The following MARK2 variants were observed in gnomAD, a reference collection of about 807,000 sequenced individuals.
The protein encoded by MARK2 is serine/threonine-protein kinase MARK2.
A neutral mutation model predicts 89.8 loss-of-function variants in MARK2; 16 were observed. The observed-to-expected ratio is 0.18, with a 90% confidence interval of 0.12 to 0.27. The LOEUF (loss-of-function observed/expected upper bound fraction) is 0.27, where lower values mean the gene tolerates loss of function less well. MARK2 is among the 10% of genes least tolerant of loss of function. The pLI is 1.00. For synonymous variants in MARK2, 382 were observed against 399.5 expected (o/e 0.96, Z 0.52); for missense variants, 621 against 1,049.9 (o/e 0.59, Z 5.65).
chr11:63,907,250 C>T (rs1367433972), intron 17 of MARK2, among the ~76,000 whole-genome samples: 1 of 152,204 alleles, frequency 6.6e-6, no homozygotes, highest in Non-Finnish European at 1.5e-5. Context: ...CCTCCTCCTC[C>T]CACCCAGCTG....
At chr11:63,841,911 G>C (rs2016040242) in intron 1 of MARK2, among the ~76,000 whole-genome samples, 1 of 152,190 alleles carries the variant, frequency 6.6e-6, no homozygotes, top group Non-Finnish European at 1.5e-5. Context: ...TTCCACCGTA[G>C]TGTGCATCCA....
chr11:63,856,941 GGGAGGGA>G (rs2016895242), intron 1 of MARK2, among the ~76,000 whole-genome samples: 2 of 151,214 alleles, frequency 1.3e-5, no homozygotes, highest in African/African-American at 2.4e-5. Flanking sequence ...CCGAGTAGCT[GGGAGGGA>G]CTACAGGCGC....
chr11:63,898,826 T>G lies in MARK2; in HGVS notation c.467T>G (p.Phe156Cys). The G allele has an allele frequency of 6.2e-7, 1 of 1,613,740 alleles. No homozygotes were observed. The highest frequency in any genetic ancestry group is 2.2e-5 in the East Asian group (1 of 44,892). ...RMKEKEARAKFRQIVSAVQYC... is the reference protein window; with the variant it reads ...RMKEKEARAKCRQIVSAVQYC... ...AAAGAAAAAGAGGCTCGAGCCAAATTCCGCCAGGTAGGTGTGACTCCCTCC... is the reference window on the plus strand; with the variant it reads ...AAAGAAAAAGAGGCTCGAGCCAAATGCCGCCAGGTAGGTGTGACTCCCTCC... The change falls in exon 6 of 19, where the codon TTC becomes TGC. Residue 156 changes from phenylalanine (F) to cysteine (C), a missense_variant. By Grantham distance (205) the Phe-to-Cys change is radical. Around this residue, in one of 5 missense-constraint regions of MARK2, gnomAD observed 82 missense variants for 287.7 expected, o/e 0.29. Transcript: ENST00000402010.
At chr11:63,884,339 A>G (rs1939270902) in intron 1 of MARK2, among the ~76,000 whole-genome samples, 1 of 152,232 alleles carries the variant, frequency 6.6e-6, no homozygotes, top group Admixed American at 6.5e-5. Context: ...TGTGGCTTCC[A>G]GGCCTGAAGG....
At chr11:63,858,252 T>G (rs983271346) in intron 1 of MARK2, among the ~76,000 whole-genome samples, 1 of 152,114 alleles carries the variant, frequency 6.6e-6, no homozygotes, top group South Asian at 2.1e-4. Context: ...CTGGCTTCAA[T>G]TGATCTGCCT....
Position 63,898,759 on chromosome 11 carries a change from A to C in MARK2, c.404-4A>C, listed in dbSNP as rs1940628678. On this transcript the variant is annotated splice_region_variant and splice_polypyrimidine_tract_variant and intron_variant, in intron 5 of 18. Transcript: ENST00000402010. Reference sequence around the variant, plus strand: ...GACTGAGATCCCTGCCTGGTCTCTTACAGGAGAGGTATTTGATTACCTAGT... The same window carrying C: ...GACTGAGATCCCTGCCTGGTCTCTTCCAGGAGAGGTATTTGATTACCTAGT... 2 of 1,613,830 alleles carry C rather than the reference A, an allele frequency of 1.2e-6. No homozygotes were observed. Among genetic ancestry groups the C allele is most frequent in the Non-Finnish European group, 1.7e-6 (2 of 1,179,854 alleles).
At chr11:63,844,676 T>C (rs763726056) in intron 1 of MARK2, among the ~76,000 whole-genome samples, 7 of 152,204 alleles carry the variant, frequency 4.6e-5, no homozygotes, top group Non-Finnish European at 8.8e-5. Context: ...GCAGAGTTGG[T>C]GCCTATGAGG....
In MARK2 at chr11:63,910,031, C is replaced by T. The variant is rs978260236; in HGVS notation, c.*794C>T. 1.3e-5 allele frequency: 2 copies of T among 152,348 alleles called. No homozygotes were observed. The highest frequency in any genetic ancestry group is 4.8e-5 in the African/African-American group (2 of 41,446). 9.4% of individuals were successfully genotyped at this position (152,348 alleles called of 1,614,324 possible). A position where few individuals can be genotyped will look rare whatever the true frequency, so the allele number is the denominator to read the frequency against. ...TGTGTTCCCTCAAAGTCTGTGCCATCTTCTCCCACCCCTCCCGGGTAGAAG... is the reference window on the plus strand; with the variant it reads ...TGTGTTCCCTCAAAGTCTGTGCCATTTTCTCCCACCCCTCCCGGGTAGAAG... On this transcript the variant is annotated 3_prime_UTR_variant, in exon 19 of 19. Coordinates refer to ENST00000402010, the MANE Select transcript of MARK2 (RefSeq NM_001039469.3).
chr11:63,907,548 T>A (rs1208687853), intron 17 of MARK2, among the ~76,000 whole-genome samples: 1 of 151,910 alleles, frequency 6.6e-6, no homozygotes, highest in African/African-American at 2.4e-5. Flanking sequence ...CCAGACCTCT[T>A]CCCCACCCAC....
chr11:63,898,521 C>A, intron 4 of MARK2, 87 bp from the exon 5 acceptor site: 1 of 1,098,352 alleles, frequency 9.1e-7, no homozygotes, highest in Non-Finnish European at 1.4e-6. Context: ...GGGAGACTTT[C>A]GTTCCTAGGA....
In MARK2 at chr11:63,904,922, G is replaced by A; in HGVS notation, c.1813G>A (p.Val605Met). The stretch of plus-strand genomic sequence containing the variant: ...CTTCCATGCTGGGCAGCTCCGACAG[G>A]TGCGGGACCAGCAGAATTTGCCCTA... ...STFHAGQLRQ[V>M]RDQQNLPYGV... Residue 605 changes from valine to methionine, a missense_variant, in exon 16 of 19, where the codon GTG becomes ATG. By Grantham distance (21) the Val-to-Met change is conservative. Coordinates refer to ENST00000402010, the MANE Select transcript of MARK2 (RefSeq NM_001039469.3). The surrounding 1 kb of genome is among the most constrained non-coding windows in gnomAD (Gnocchi z 6.3). 4 of 1,614,230 alleles carry A rather than the reference G, an allele frequency of 2.5e-6. No homozygotes were observed. The highest frequency in any genetic ancestry group is 3.4e-6 in the Non-Finnish European group (4 of 1,180,044).
intron 1 of MARK2, chr11:63,888,402 C>CT: frequency 2.8e-6 from 1 of 361,558 alleles, no homozygotes; most frequent in South Asian, 9.8e-5. Flanking sequence ...TTATGACAGC[C>CT]GTGGCTGCAG....
chr11:63,902,931 C>T lies in MARK2; in HGVS notation c.1417-130C>T, dbSNP rs866223557. ...CGCTCCCAGCAGTAAATGCAGAATC[C>T]TTTCCTTAACCTACCACTGTCTGCT... On this transcript the variant is annotated intron_variant, in intron 13 of 18. Coordinates refer to ENST00000402010, the MANE Select transcript of MARK2 (RefSeq NM_001039469.3). The surrounding 1 kb of genome is among the most constrained non-coding windows in gnomAD (Gnocchi z 4.2). 3.8e-6 allele frequency: 4 copies of T among 1,056,964 alleles called. No individual in the cohort carries two copies. Among genetic ancestry groups the T allele is most frequent in the South Asian group, 1.4e-5 (1 of 74,060 alleles). 65.5% of individuals were successfully genotyped at this position (1,056,964 alleles called of 1,614,324 possible).
chr11:63,895,656 CCCTTTTTTTTTT>C, intron 3 of MARK2, 23 bp downstream of exon 3: 1 of 1,406,744 alleles, frequency 7.1e-7, no homozygotes, highest in Non-Finnish European at 9.8e-7. Flanking sequence ...CACCTCCTGT[CCCTTTTTTTTTT>C]TTTTTTTTTT....
At chr11:63,889,436 C>G (rs1336711411) in intron 1 of MARK2, among the ~76,000 whole-genome samples, 1 of 152,208 alleles carries the variant, frequency 6.6e-6, no homozygotes, top group Admixed American at 6.5e-5. Flanking sequence ...AATGCAGAGC[C>G]CCAAAGCATG....
rs1941037816 is a variant in MARK2, at chr11:63,903,130, C to G, written c.1486C>G (p.Gln496Glu). The change falls in exon 14 of 19, where the codon CAG becomes GAG. Residue 496 changes from glutamine (Q) to glutamate (E), a missense_variant. Gln to Glu is a conservative substitution (Grantham distance 29). Around this residue, in one of 5 missense-constraint regions of MARK2, gnomAD observed 397 missense variants for 567.8 expected, o/e 0.70. Transcript: ENST00000402010. The surrounding 1 kb of genome is among the most constrained non-coding windows in gnomAD (Gnocchi z 5.1). The part of the protein sequence containing the change: ...SPLLERASLG[Q>E]ASIQNGKDSL... ...ACTTTTGGAGCGGGCCAGCCTCGGC[C>G]AGGCCTCCATCCAGAATGGCAAAGA... is the stretch of plus-strand genomic sequence containing the variant. 1 of 1,613,864 alleles carries G rather than the reference C, an allele frequency of 6.2e-7. No individual in the cohort carries two copies. Among genetic ancestry groups the G allele is most frequent in the Non-Finnish European group, 8.5e-7 (1 of 1,179,954 alleles).
chr11:63,861,175 C>T lies in MARK2; in HGVS notation c.54+21615C>T, dbSNP rs61886126. ...TTCGGGTTGGGTGCAGTGGCTCACG[C>T]GGGTAATCCCAGCACTTAGGGAGGC... On this transcript the variant is annotated intron_variant, in intron 1 of 18. Coordinates refer to ENST00000402010, the MANE Select transcript of MARK2 (RefSeq NM_001039469.3). Among the ~76,000 whole-genome samples the T allele has an allele frequency of 7.3e-3, 1,108 of 152,120 alleles. 6 individuals carry two copies. Among genetic ancestry groups the T allele is most frequent in the Non-Finnish European group, 0.01 (702 of 67,974 alleles).
chr11:63,906,164 C>CTG, intron 17 of MARK2, 50 bp downstream of exon 17: 1 of 1,257,586 alleles, frequency 8.0e-7, no homozygotes, highest in Non-Finnish European at 1.0e-6. Context: ...TGTCTGTGTC[C>CTG]TGTGTCCTGC....
In MARK2 at chr11:63,900,732, C is replaced by A; in HGVS notation, c.889-48C>A. The A allele has an allele frequency of 6.2e-7, 1 of 1,613,546 alleles. No individual in the cohort carries two copies. Among genetic ancestry groups the A allele is most frequent in the South Asian group, 1.1e-5 (1 of 91,056 alleles). On this transcript the variant is annotated intron_variant, in intron 9 of 18. Transcript: ENST00000402010. This position sits in a 1 kb window ranked among gnomAD's most constrained non-coding sequence, Gnocchi z 4.7. ...GGCCTGGGGTCCCCACAGAAACTTT[C>A]CAGCTGAGTTTCTTCCCCCTGCCCT...
Sources: allele counts gnomAD v4.1 joint callset (sites outside exome capture counted in the v4.1 genomes callset), GRCh38; gene constraint gnomAD v4.1.1; regional missense constraint gnomAD v4.1.1; non-coding constraint Gnocchi (gnomAD v3.1); transcripts MANE v1.5; gene names NCBI Gene and HGNC (gene_info 2026-07-23, HGNC 2026-07-21).